ST3GAL5: variants seen among roughly 807,000 people sequenced by gnomAD.
ST3GAL5 encodes ST3 beta-galactoside alpha-2,3-sialyltransferase 5.
In ST3GAL5, 25 loss-of-function variants were observed where a neutral mutation model predicts 46.1. That is an observed-to-expected ratio of 0.54 (90% CI 0.40 to 0.76). The LOEUF (loss-of-function observed/expected upper bound fraction) is 0.76, where lower values mean the gene tolerates loss of function less well. Ranked by LOEUF, ST3GAL5 falls within the 30% of genes least tolerant of loss-of-function variation. The pLI, the probability that ST3GAL5 is intolerant of heterozygous loss-of-function variation, is 0.00. For missense variants in ST3GAL5, 431 were observed against 521.2 expected (o/e 0.83, Z 1.69); for synonymous variants, 182 against 192.7 (o/e 0.94, Z 0.46).
chr2:85,882,010 G>A, intron 1 of ST3GAL5, among the ~76,000 whole-genome samples: 1 of 152,234 alleles, frequency 6.6e-6, no homozygotes, highest in Non-Finnish European at 1.5e-5. Flanking sequence ...TGCAGCCTAG[G>A]GACTTAGTGC....
At chr2:85,858,763 C>G (rs1684420360) in intron 3 of ST3GAL5, among the ~76,000 whole-genome samples, 1 of 152,226 alleles carries the variant, frequency 6.6e-6, no homozygotes, top group Non-Finnish European at 1.5e-5. Context: ...TGGGCAGGCC[C>G]ATCCTTCTGC....
Position 85,888,949 on chromosome 2 carries a change from G to GCCCCCACCCGCC in ST3GAL5, c.-56_-45dup. 1 of 1,246,656 alleles carries GCCCCCACCCGCC rather than the reference G, an allele frequency of 8.0e-7. No homozygotes were observed. The highest frequency in any genetic ancestry group is 1.0e-6 in the Non-Finnish European group (1 of 989,506). 77.2% of individuals were successfully genotyped at this position (1,246,656 alleles called of 1,614,324 possible). ...GCCGGCCGCCAGCCCGGTACCCCGC[G>GCCCCCACCCGCC]CCCCCACCCGCCCCCAGCGCCGCTC... On this transcript the variant is annotated 5_prime_UTR_variant, in exon 1 of 7. Coordinates refer to ENST00000638572, the MANE Select transcript of ST3GAL5 (RefSeq NM_003896.4).
intron 1 of ST3GAL5, among the ~76,000 whole-genome samples, chr2:85,871,809 T>C (rs889642712): frequency 2.0e-5 from 3 of 152,198 alleles, no homozygotes; most frequent in African/African-American, 7.2e-5. Context: ...GGGAGGGGGC[T>C]GCTTTCTAAA....
chr2:85,861,657 A>AAG (rs1553410928), intron 2 of ST3GAL5, among the ~76,000 whole-genome samples: 5 of 150,878 alleles, frequency 3.3e-5, no homozygotes, highest in African/African-American at 1.2e-4. Flanking sequence ...AAAAAAAAAA[A>AAG]AAAAAAGAAA....
intron 3 of ST3GAL5, chr2:85,851,791 G>A: frequency 8.5e-7 from 1 of 1,171,718 alleles, no homozygotes; most frequent in Non-Finnish European, 1.1e-6. Context: ...TGGGGCCTGG[G>A]TGGCATTCAT....
chr2:85,853,009 T>C (rs544128363), intron 3 of ST3GAL5: 1 of 1,303,838 alleles, frequency 7.7e-7, no homozygotes, highest in African/African-American at 1.5e-5. Flanking sequence ...GTCTGCAGAG[T>C]CCGAGAGAAG....
chr2:85,868,102 C>T (rs1345574099), intron 1 of ST3GAL5: 2 of 191,458 alleles, frequency 1.0e-5, no homozygotes, highest in East Asian at 1.2e-4. Flanking sequence ...TCCATGATCC[C>T]TTGGAGAAGC....
At chr2:85,851,601 T>C in intron 3 of ST3GAL5, 1 of 1,289,450 alleles carries the variant, frequency 7.8e-7, no homozygotes, top group Non-Finnish European at 1.0e-6. Context: ...TTAAGTAAGT[T>C]GAACCGGCAT....
At chr2:85,848,260 A>T (rs1683058417) in intron 3 of ST3GAL5, 56 bp from the exon 4 acceptor site, 5 of 1,612,774 alleles carry the variant, frequency 3.1e-6, no homozygotes, top group Non-Finnish European at 4.2e-6. Flanking sequence ...TTAAAAATAT[A>T]CTCTTCTAGA....
rs1683009736 is a variant in ST3GAL5, at chr2:85,847,935, C to G, written c.588G>C (p.Val196=). 1 of 1,614,034 alleles carries G rather than the reference C, an allele frequency of 6.2e-7. No individual in the cohort carries two copies. The highest frequency in any genetic ancestry group is 1.3e-5 in the African/African-American group (1 of 74,908). ...GCAGTATTCCTCCGCTTCCAATAAC[C>G]ACACAGCGCCGACAGGTCTTGGCTT... ...HLKAKTCRRC[V]VIGSGGILHG... Residue 196 remains valine, a synonymous_variant, in exon 4 of 7, where the codon GTG becomes GTC. Transcript: ENST00000638572.
Position 85,863,484 on chromosome 2 carries a change from T to G in ST3GAL5, c.84A>C (p.Ala28=), listed in dbSNP as rs530496667. The G allele has an allele frequency of 1.9e-6, 3 of 1,614,144 alleles. No individual in the cohort carries two copies. The East Asian group carries it at 6.7e-5, about 36-fold the overall frequency. The change falls in exon 2 of 7, where the codon GCA becomes GCC. Residue 28 remains alanine, a splice_region_variant and synonymous_variant. Transcript: ENST00000638572. Reference sequence around the variant, plus strand: ...TCACATAGGTGTACTCACTTGGCATTGCTGTGAAGAGAGGCGAAGAGGGCA... The same window carrying G: ...TCACATAGGTGTACTCACTTGGCATGGCTGTGAAGAGAGGCGAAGAGGGCA... ...TEAAAAPAGR[A]MPSEYTYVKL...
chr2:85,880,828 GA>G (rs34410645), intron 1 of ST3GAL5: 235,272 of 455,660 alleles, frequency 0.52, 52,623 homozygotes, highest in Admixed American at 0.64. Context: ...TGTCTAAAAA[GA>G]AAAAAAAAAA....
intron 1 of ST3GAL5, among the ~76,000 whole-genome samples, chr2:85,879,119 A>G (rs1223739213): frequency 6.6e-6 from 1 of 152,148 alleles, no homozygotes; most frequent in East Asian, 1.9e-4. Flanking sequence ...GTGAGCTCAT[A>G]CTGGCATGAA....
At chr2:85,872,445 T>G (rs1431928292) in intron 1 of ST3GAL5, among the ~76,000 whole-genome samples, 1 of 152,040 alleles carries the variant, frequency 6.6e-6, no homozygotes, top group Non-Finnish European at 1.5e-5. Context: ...TAGCTGGGCA[T>G]GGTGGCGCAC....
intron 4 of ST3GAL5, among the ~76,000 whole-genome samples, chr2:85,847,225 C>A (rs560043517): frequency 1.3e-5 from 2 of 152,090 alleles, no homozygotes; most frequent in Non-Finnish European, 2.9e-5. Flanking sequence ...ACTCACTGGC[C>A]CCAAGCCCCT....
At chr2:85,874,812 C>T (rs1300472252) in intron 1 of ST3GAL5, among the ~76,000 whole-genome samples, 2 of 151,268 alleles carry the variant, frequency 1.3e-5, no homozygotes, top group Non-Finnish European at 2.9e-5. Context: ...TAGATCCCCA[C>T]ACAAAGTTAA....
chr2:85,876,756 C>A (rs776466238), intron 1 of ST3GAL5, among the ~76,000 whole-genome samples: 1 of 151,596 alleles, frequency 6.6e-6, no homozygotes, highest in African/African-American at 2.4e-5. Flanking sequence ...CCACGCCCGA[C>A]CCTCTACACT....
chr2:85,848,175 C>T lies in ST3GAL5; in HGVS notation c.348G>A (p.Leu116=), dbSNP rs1683044623. The T allele has an allele frequency of 1.2e-6, 2 of 1,614,096 alleles. No homozygotes were observed. Among genetic ancestry groups the T allele is most frequent in the Non-Finnish European group, 1.7e-6 (2 of 1,180,040 alleles). The part of the protein sequence containing the change: ...KRAQKYAQQV[L]QKECRPKFAK... ...CAAACTTGGGACGACATTCCTTCTG[C>T]AAGACTTGCTGAGCATATTTCTGAG... Residue 116 remains leucine, a synonymous_variant, in exon 4 of 7, where the codon TTG becomes TTA. Transcript: ENST00000638572.
intron 3 of ST3GAL5, chr2:85,849,389 A>C (rs1683202888): frequency 6.6e-6 from 1 of 152,306 alleles, no homozygotes; most frequent in Non-Finnish European, 1.5e-5. Context: ...CCCTGTCTCT[A>C]AAACAAAAAC....
Sources: allele counts gnomAD v4.1 joint callset (sites outside exome capture counted in the v4.1 genomes callset), GRCh38; gene constraint gnomAD v4.1.1; transcripts MANE v1.5; gene names NCBI Gene and HGNC (gene_info 2026-07-23, HGNC 2026-07-21).